ST6GALNAC5: variants seen among roughly 807,000 people sequenced by gnomAD.
ST6GALNAC5 encodes the protein ST6 N-acetylgalactosaminide alpha-2,6-sialyltransferase 5, also known as alpha-N-acetylgalactosaminide alpha-2,6-sialyltransferase 5.
In ST6GALNAC5, 27 loss-of-function variants were observed where a neutral mutation model predicts 33.6. That is an observed-to-expected ratio of 0.80 (90% confidence interval 0.59 to 1.11). The LOEUF (loss-of-function observed/expected upper bound fraction) is 1.11, where lower values mean the gene tolerates loss of function less well. Among genes scored for constraint, ST6GALNAC5 ranks in the 50% least tolerant of loss-of-function variants. The pLI, the probability that ST6GALNAC5 is intolerant of heterozygous loss-of-function variation, is 0.00. For synonymous variants in ST6GALNAC5, 194 were observed against 171.2 expected, an observed-to-expected ratio of 1.13 and a Z score of -1.04; for missense variants, 428 against 454.0, an observed-to-expected ratio of 0.94 and a Z score of 0.52.
intron 2 of ST6GALNAC5, among the ~76,000 whole-genome samples, chr1:77,009,462 A>G (rs1397358408): frequency 6.6e-6 from 1 of 152,124 alleles, no homozygotes; most frequent in African/African-American, 2.4e-5. Context: ...GGGAAATTGC[A>G]AGGCTTTGGT....
At chr1:77,027,223 G>T (rs1651278240) in intron 2 of ST6GALNAC5, among the ~76,000 whole-genome samples, 1 of 152,178 alleles carries the variant, frequency 6.6e-6, no homozygotes, top group African/African-American at 2.4e-5. Flanking sequence ...AACACATGTT[G>T]CCCTTTACAC....
chr1:76,940,045 G>T (rs185516386), intron 2 of ST6GALNAC5, among the ~76,000 whole-genome samples: 9 of 152,202 alleles, frequency 5.9e-5, no homozygotes, highest in Non-Finnish European at 2.9e-5. Context: ...GGCACTTACA[G>T]CTTGTTTCAC....
At chr1:76,896,919 C>T (rs1165078753) in intron 2 of ST6GALNAC5, among the ~76,000 whole-genome samples, 1 of 152,150 alleles carries the variant, frequency 6.6e-6, no homozygotes, top group African/African-American at 2.4e-5. Flanking sequence ...AGAAAGGCTA[C>T]AGGGTGCAGT....
intron 2 of ST6GALNAC5, among the ~76,000 whole-genome samples, chr1:76,898,097 A>T (rs1184056868): frequency 6.6e-6 from 1 of 152,220 alleles, no homozygotes. Flanking sequence ...CCAGAGTTCC[A>T]GGGGCTCTGG....
intron 2 of ST6GALNAC5, among the ~76,000 whole-genome samples, chr1:76,899,784 G>A (rs939750899): frequency 8.5e-5 from 13 of 152,158 alleles, no homozygotes; most frequent in Non-Finnish European, 1.3e-4. Context: ...AGACGTTGAG[G>A]GATAGTGAGA....
rs931702116 is a variant in ST6GALNAC5 at position 77,048,099 on chromosome 1, G to A, written c.672-2159G>A. ...AGAACTCTTCACTTTAGTTTCTTTC[G>A]TCCTCTACCTTGCATTCTTTTCCCC... On this transcript the variant is annotated intron_variant, in intron 3 of 4. Coordinates refer to ENST00000477717, the MANE Select transcript of ST6GALNAC5 (RefSeq NM_030965.3). Among the ~76,000 whole-genome samples the A allele has an allele frequency of 7.9e-5, 12 of 152,212 alleles. No individual in the cohort carries two copies. In the Middle Eastern group the frequency reaches 0.01, roughly 129 times the overall value.
At chr1:76,940,565 G>A (rs895411605) in intron 2 of ST6GALNAC5, among the ~76,000 whole-genome samples, 5 of 151,998 alleles carry the variant, frequency 3.3e-5, no homozygotes, top group African/African-American at 1.2e-4. Flanking sequence ...GGCTCCCTCA[G>A]GATGATGAAA....
chr1:76,967,261 G>A (rs111555226), intron 2 of ST6GALNAC5, among the ~76,000 whole-genome samples: 1,816 of 152,240 alleles, frequency 0.012, 30 homozygotes, highest in African/African-American at 0.037. Flanking sequence ...GTTAATTATT[G>A]CCTCAATTTC....
rs560982303 is a variant in ST6GALNAC5, at chr1:77,056,250, G to T, written c.779+5885G>T. ...AAGCCAAATTCATTCTCTCTAGATG[G>T]CCTATAAATTGCGTGAAAAGATCTG... On this transcript the variant is annotated intron_variant, in intron 4 of 4. Transcript: ENST00000477717. Among the ~76,000 whole-genome samples the T allele has an allele frequency of 2.6e-5, 4 of 152,252 alleles. No homozygotes were observed. In the South Asian group the frequency reaches 8.3e-4, roughly 32 times the overall value.
rs75457134 is a variant in ST6GALNAC5, at chr1:76,933,302, G to T, written c.261+64560G>T. On this transcript the variant is annotated intron_variant, in intron 2 of 4. Coordinates refer to ENST00000477717, the MANE Select transcript of ST6GALNAC5 (RefSeq NM_030965.3). ...GCAGTTTATTCTTTCATTTAGTATA[G>T]TGATCAAATACCTGCTATCTGCCTG... is the stretch of plus-strand genomic sequence containing the variant. Among the ~76,000 whole-genome samples the T allele has an allele frequency of 2.2e-3, 342 of 152,090 alleles. 1 individual carries two copies. The highest frequency in any genetic ancestry group is 7.9e-3 in the African/African-American group (329 of 41,534).
At chr1:77,027,828 G>C (rs1387143708) in intron 2 of ST6GALNAC5, among the ~76,000 whole-genome samples, 1 of 152,188 alleles carries the variant, frequency 6.6e-6, no homozygotes, top group South Asian at 2.1e-4. Flanking sequence ...TTTAATACCA[G>C]ATATCATTTA....
chr1:76,868,824 G>C lies in ST6GALNAC5; in HGVS notation c.261+82G>C. On this transcript the variant is annotated intron_variant, in intron 2 of 4. Transcript: ENST00000477717. The surrounding 1 kb of genome is among the most constrained non-coding windows in gnomAD (Gnocchi z 4.3). ...AGCCTTCCCCCTTTCCCGGGGCTGGGAGGCGCTGTGAGTAGGTGCCGTTCG... is the reference window on the plus strand; with the variant it reads ...AGCCTTCCCCCTTTCCCGGGGCTGGCAGGCGCTGTGAGTAGGTGCCGTTCG... 1 of 1,430,048 alleles carries C rather than the reference G, an allele frequency of 7.0e-7. No individual in the cohort carries two copies. The highest frequency in any genetic ancestry group is 1.5e-5 in the South Asian group (1 of 66,736). 88.6% of individuals were successfully genotyped at this position (1,430,048 alleles called of 1,614,324 possible).
At chr1:76,999,360 T>A in intron 2 of ST6GALNAC5, among the ~76,000 whole-genome samples, 1 of 152,328 alleles carries the variant, frequency 6.6e-6, no homozygotes, top group East Asian at 1.9e-4. Flanking sequence ...AATATGTACC[T>A]GCCTTTTAAT....
At chr1:77,061,046 A>G (rs890953665) in intron 4 of ST6GALNAC5, among the ~76,000 whole-genome samples, 3 of 152,146 alleles carry the variant, frequency 2.0e-5, no homozygotes, top group Non-Finnish European at 4.4e-5. Context: ...GTTAGAAGGC[A>G]TTTTTTGTGT....
At chr1:77,060,698 T>A (rs1378345530) in intron 4 of ST6GALNAC5, among the ~76,000 whole-genome samples, 1 of 152,148 alleles carries the variant, frequency 6.6e-6, no homozygotes, top group Non-Finnish European at 1.5e-5. Context: ...AGATAAGTTT[T>A]TTTTCCAAAG....
intron 2 of ST6GALNAC5, among the ~76,000 whole-genome samples, chr1:77,010,079 C>T (rs1242908663): frequency 7.2e-5 from 11 of 152,302 alleles, no homozygotes; most frequent in African/African-American, 2.6e-4. Context: ...GAGAACTTTC[C>T]ACCAGCCCTT....
At chr1:77,052,871 T>C (rs1431781988) in intron 4 of ST6GALNAC5, among the ~76,000 whole-genome samples, 1 of 134,732 alleles carries the variant, frequency 7.4e-6, no homozygotes, top group Admixed American at 8.2e-5. Context: ...TGAGCCGAGA[T>C]CATTCCACTG....
At chr1:76,983,457 G>A (rs966756508) in intron 2 of ST6GALNAC5, among the ~76,000 whole-genome samples, 10 of 152,148 alleles carry the variant, frequency 6.6e-5, no homozygotes, top group African/African-American at 2.4e-4. Context: ...TCAACCAGAA[G>A]AGCTAACTAT....
rs750134869 is a variant in ST6GALNAC5 at position 77,067,540 on chromosome 1, C to G, written c.*4334C>G. ...ATAAATGTCTGTTGTTGATCATGACCTCTTAATGTTGACCCACTGGATTAG... is the reference window on the plus strand; with the variant it reads ...ATAAATGTCTGTTGTTGATCATGACGTCTTAATGTTGACCCACTGGATTAG... On this transcript the variant is annotated 3_prime_UTR_variant, in exon 5 of 5. Transcript: ENST00000477717. 6.6e-6 allele frequency among the ~76,000 whole-genome samples: 1 copy of G among 152,194 alleles called. No homozygotes were observed. Among genetic ancestry groups the G allele is most frequent in the Non-Finnish European group, 1.5e-5 (1 of 68,036 alleles).
Sources: allele counts gnomAD v4.1 joint callset (sites outside exome capture counted in the v4.1 genomes callset), GRCh38; gene constraint gnomAD v4.1.1; non-coding constraint Gnocchi (gnomAD v3.1); transcripts MANE v1.5; gene names NCBI Gene and HGNC (gene_info 2026-07-23, HGNC 2026-07-21).